Variants in CRISP2 observed in about 807,000 individuals in gnomAD.
CRISP2 encodes cysteine-rich secretory protein 2.
In CRISP2, 29 loss-of-function variants were observed where a neutral mutation model predicts 31.7. The ratio of observed to expected loss-of-function variants is 0.92; its 90% CI spans 0.68 to 1.25. The LOEUF (loss-of-function observed/expected upper bound fraction) is 1.25, where lower values mean the gene tolerates loss of function less well. CRISP2 is among the 50% of genes most tolerant of loss of function. CRISP2 has a pLI of 0.00. For missense variants in CRISP2, 318 were observed against 286.5 expected, an observed-to-expected ratio of 1.11 and a Z score of -0.79; for synonymous variants, 111 against 101.4, an observed-to-expected ratio of 1.09 and a Z score of -0.57.
chr6:49,697,745 T>C, intron 8 of CRISP2, 115 bp downstream of exon 8: 1 of 1,575,588 alleles, frequency 6.3e-7, no homozygotes, highest in Non-Finnish European at 8.6e-7. Context: ...TTTCCAAACG[T>C]TTATCCCCTC....
At chr6:49,698,307 A>G in intron 7 of CRISP2, 55 bp downstream of exon 7, 2 of 1,585,728 alleles carry the variant, frequency 1.3e-6, no homozygotes, top group Non-Finnish European at 1.7e-6. Context: ...AATTTGGAGA[A>G]GCTTTCCTCT....
At position 49,697,937 on chromosome 6, in the gene CRISP2, G is replaced by A; in HGVS notation, c.438C>T (p.Tyr146=). ...AGTAGGCAATTCCACAGCCTACCTG[G>A]TAAGTCGAGTACCAAACAAGCTGCA... ...HYTQLVWYST[Y]QVGCGIAYCP... is the part of the protein sequence containing the mutation. Residue 146 remains tyrosine (Y), a synonymous_variant, in exon 8 of 10, where the codon TAC becomes TAT. Coordinates refer to ENST00000339139, the MANE Select transcript of CRISP2 (RefSeq NM_003296.4). 1 of 1,606,602 alleles carries A rather than the reference G, an allele frequency of 6.2e-7. No homozygotes were observed. Among genetic ancestry groups the A allele is most frequent in the South Asian group, 1.1e-5 (1 of 89,342 alleles).
chr6:49,680,963 A>C, the CRISP2 span, among the ~76,000 whole-genome samples: 1 of 152,142 alleles, frequency 6.6e-6, no homozygotes, highest in East Asian at 1.9e-4. Flanking sequence ...AATTGTTGAT[A>C]ATTTCTTATG....
the CRISP2 span, among the ~76,000 whole-genome samples, chr6:49,679,117 A>T: frequency 1.5e-4 from 23 of 152,152 alleles, no homozygotes; most frequent in Non-Finnish European, 2.9e-4. Context: ...CTATAAAGGC[A>T]ATTTAGATTT....
chr6:49,706,287 A>T (rs981819281), intron 4 of CRISP2, among the ~76,000 whole-genome samples: 1 of 152,166 alleles, frequency 6.6e-6, no homozygotes, highest in Non-Finnish European at 1.5e-5. Context: ...GCCCAGTTGA[A>T]GTGCATGTCT....
At chr6:49,700,851 T>C in intron 4 of CRISP2, 67 bp from the exon 5 acceptor site, 1 of 1,010,242 alleles carries the variant, frequency 9.9e-7, no homozygotes, top group Non-Finnish European at 1.5e-6. Flanking sequence ...AGTGAATAAG[T>C]TAATTCAAGA....
chr6:49,679,818 G>A, the CRISP2 span, among the ~76,000 whole-genome samples: 1 of 151,958 alleles, frequency 6.6e-6, no homozygotes, highest in Non-Finnish European at 1.5e-5. Context: ...GGATTCTTGT[G>A]CCTCAGCCTC....
At chr6:49,700,078 G>T (rs1329773649) in intron 5 of CRISP2, among the ~76,000 whole-genome samples, 187 bp from the exon 6 acceptor site, 2 of 152,002 alleles carry the variant, frequency 1.3e-5, no homozygotes, top group Admixed American at 1.3e-4. Context: ...TAGTCCATAG[G>T]TAATATATCT....
the CRISP2 span, among the ~76,000 whole-genome samples, chr6:49,682,751 C>A: frequency 2.2e-5 from 3 of 138,524 alleles, no homozygotes; most frequent in Middle Eastern, 3.7e-3. Context: ...TTTCTTCCTT[C>A]TTTTTCCTTC....
At chr6:49,687,795 G>C (rs1208447634), downstream of CRISP2, among the ~76,000 whole-genome samples, 2 of 152,290 alleles carry the variant, frequency 1.3e-5, no homozygotes, top group East Asian at 3.9e-4. Context: ...TGTACTCAGG[G>C]GCGAGGATCA....
At chr6:49,683,880 ATATT>A in the CRISP2 span, among the ~76,000 whole-genome samples, 2 of 151,296 alleles carry the variant, frequency 1.3e-5, no homozygotes, top group Admixed American at 1.3e-4. Flanking sequence ...TATAAAGGAA[ATATT>A]TATTTTCAAA....
At chr6:49,688,961 C>T (rs1413171038), downstream of CRISP2, among the ~76,000 whole-genome samples, 4 of 152,070 alleles carry the variant, frequency 2.6e-5, no homozygotes, top group East Asian at 1.9e-4. Flanking sequence ...CTCCACCTCC[C>T]GGGTTCAAGC....
At chr6:49,683,032 C>T in the CRISP2 span, among the ~76,000 whole-genome samples, 4 of 152,006 alleles carry the variant, frequency 2.6e-5, no homozygotes, top group Non-Finnish European at 5.9e-5. Flanking sequence ...GTGGCATGTG[C>T]CTGTAATCCC....
At chr6:49,681,654 C>T in the CRISP2 span, among the ~76,000 whole-genome samples, 2 of 152,066 alleles carry the variant, frequency 1.3e-5, no homozygotes, top group East Asian at 1.9e-4. Flanking sequence ...CATATAATAT[C>T]ATGGTTTAAA....
chr6:49,686,947 T>A, the CRISP2 span, among the ~76,000 whole-genome samples: 9 of 151,256 alleles, frequency 6.0e-5, no homozygotes, highest in South Asian at 4.2e-4. Context: ...GCAAACTATC[T>A]CAAGGACAAA....
intron 3 of CRISP2, among the ~76,000 whole-genome samples, 166 bp from the exon 4 acceptor site, chr6:49,709,371 T>C (rs1196251363): frequency 6.6e-6 from 1 of 152,186 alleles, no homozygotes; most frequent in Non-Finnish European, 1.5e-5. Flanking sequence ...AGTAGAATCA[T>C]AATGAGGCCA....
chr6:49,707,711 G>C (rs1767316671), intron 4 of CRISP2, among the ~76,000 whole-genome samples: 1 of 152,194 alleles, frequency 6.6e-6, no homozygotes, highest in Non-Finnish European at 1.5e-5. Context: ...GAGTGTCAGA[G>C]TCCTCCAGTC....
At chr6:49,682,096 G>A in the CRISP2 span, among the ~76,000 whole-genome samples, 2 of 152,088 alleles carry the variant, frequency 1.3e-5, no homozygotes, top group African/African-American at 4.8e-5. Flanking sequence ...ATAATCATCT[G>A]TCTCTCTGGC....
At chr6:49,713,212 A>G (rs1768348864) in intron 1 of CRISP2, among the ~76,000 whole-genome samples, 2 of 152,166 alleles carry the variant, frequency 1.3e-5, no homozygotes, top group Non-Finnish European at 2.9e-5. Flanking sequence ...GGTCTTATGT[A>G]CTTAGAATGA....
Sources: gnomAD v4.1 joint callset for allele counts (sites outside exome capture counted in the v4.1 genomes callset) on GRCh38, gnomAD v4.1.1 for gene constraint, MANE v1.5 for transcripts, NCBI Gene and HGNC (gene_info 2026-07-23, HGNC 2026-07-21) for gene names.